The following UNC13C variants were observed in gnomAD, a reference collection of about 807,000 sequenced individuals.
UNC13C encodes the protein protein unc-13 homolog C.
A neutral mutation model predicts 245.4 loss-of-function variants in UNC13C; 174 were observed. The observed-to-expected ratio is 0.71, with a 90% CI of 0.63 to 0.80. The LOEUF (loss-of-function observed/expected upper bound fraction) is 0.80, where lower values mean the gene tolerates loss of function less well. Among genes scored for constraint, UNC13C ranks in the 30% least tolerant of loss-of-function variants. UNC13C has a pLI of 0.00. For synonymous variants in UNC13C, 992 were observed against 895.1 expected, an observed-to-expected ratio of 1.11 and a Z score of -1.93; for missense variants, 2,829 against 2,602.9, an observed-to-expected ratio of 1.09 and a Z score of -1.89.
chr15:54,468,560 C>G (rs1288373921), intron 19 of UNC13C, among the ~76,000 whole-genome samples: 2 of 151,628 alleles, frequency 1.3e-5, no homozygotes, highest in Non-Finnish European at 3.0e-5. Flanking sequence ...GTGTTTCCTT[C>G]TAGAAGTTTT....
In UNC13C at chr15:54,424,373, G is replaced by A. The variant is rs1289573962; in HGVS notation, c.4933+9306G>A. Among the ~76,000 whole-genome samples, 4 of 151,956 alleles carry A rather than the reference G, an allele frequency of 2.6e-5. No homozygotes were observed. The East Asian group carries it at 7.8e-4, about 30-fold the overall frequency. ...AGCTTTCTAGAAACTTTCTCCTGAT[G>A]AGAAGCTTAGGAAACCATGGTTTTT... On this transcript the variant is annotated intron_variant, in intron 19 of 32. Coordinates refer to ENST00000260323, the MANE Select transcript of UNC13C (RefSeq NM_001080534.3).
chr15:54,198,740 C>T (rs995531304), intron 4 of UNC13C, among the ~76,000 whole-genome samples: 1 of 152,100 alleles, frequency 6.6e-6, no homozygotes, highest in African/African-American at 2.4e-5. Context: ...TTCCCTCTGA[C>T]ATAGTCCACC....
At chr15:54,432,255 C>T (rs1182802402) in intron 19 of UNC13C, among the ~76,000 whole-genome samples, 2 of 151,398 alleles carry the variant, frequency 1.3e-5, no homozygotes, top group Admixed American at 6.6e-5. Flanking sequence ...TAAGTAAGAG[C>T]GACTGTGATA....
chr15:54,237,577 A>G lies in UNC13C; in HGVS notation c.3157-42A>G, dbSNP rs2035735665. 2.7e-6 allele frequency: 4 copies of G among 1,493,680 alleles called. No homozygotes were observed. The African/African-American group carries it at 5.5e-5, about 21-fold the overall frequency. The allele number at this position is 1,493,680 out of a possible 1,614,324, so 92.5% of individuals were successfully genotyped here. A position where few individuals can be genotyped will look rare whatever the true frequency, so the allele number is the denominator to read the frequency against. On this transcript the variant is annotated intron_variant, in intron 6 of 32. Transcript: ENST00000260323. ...TCTGCTGAGCAGTATATGCACGTCA[A>G]CCTCCCTATGTATTAATAAGTCATA...
chr15:54,136,802 A>G (rs1567041498), intron 2 of UNC13C, among the ~76,000 whole-genome samples: 2 of 151,816 alleles, frequency 1.3e-5, no homozygotes, highest in Non-Finnish European at 2.9e-5. Context: ...TATTCAGATC[A>G]TTATATAATT....
At chr15:54,067,689 C>T (rs1295594950) in intron 2 of UNC13C, among the ~76,000 whole-genome samples, 1 of 152,184 alleles carries the variant, frequency 6.6e-6, no homozygotes, top group Non-Finnish European at 1.5e-5. Context: ...TTGTATCTCT[C>T]TGAAGATGCT....
chr15:54,247,637 A>G (rs116853167), intron 7 of UNC13C, among the ~76,000 whole-genome samples: 1,963 of 152,260 alleles, frequency 0.013, 28 homozygotes, highest in Non-Finnish European at 0.018. Flanking sequence ...TAAAGGGGAT[A>G]TATACCCTCT....
intron 32 of UNC13C, among the ~76,000 whole-genome samples, chr15:54,625,999 C>T (rs1327948708): frequency 6.6e-6 from 1 of 151,990 alleles, no homozygotes; most frequent in Non-Finnish European, 1.5e-5. Flanking sequence ...ACCAGTGTTT[C>T]CTGGAAATCA....
intron 2 of UNC13C, among the ~76,000 whole-genome samples, chr15:54,023,329 C>A (rs1260439249): frequency 6.6e-6 from 1 of 152,172 alleles, no homozygotes; most frequent in Non-Finnish European, 1.5e-5. Flanking sequence ...CCAGTCTTGT[C>A]ATGAAAGATT....
intron 17 of UNC13C, among the ~76,000 whole-genome samples, chr15:54,389,867 TACAGG>T (rs1317177360): frequency 2.6e-5 from 4 of 152,172 alleles, no homozygotes; most frequent in African/African-American, 9.7e-5. Flanking sequence ...TAGCCGGGAC[TACAGG>T]CATGTGCCAC....
At chr15:54,576,188 G>A (rs1897949204) in intron 30 of UNC13C, among the ~76,000 whole-genome samples, 1 of 152,170 alleles carries the variant, frequency 6.6e-6, no homozygotes, top group Non-Finnish European at 1.5e-5. Flanking sequence ...GATGTGTAAA[G>A]ATTTTACTCA....
intron 18 of UNC13C, 97 bp from the exon 19 acceptor site, chr15:54,414,885 A>G: frequency 1.5e-6 from 1 of 654,996 alleles, no homozygotes; most frequent in Non-Finnish European, 2.6e-6. Flanking sequence ...TTTATGAACT[A>G]TGTAATAACT....
chr15:54,471,655 AT>A (rs1892467898), intron 19 of UNC13C, among the ~76,000 whole-genome samples: 1 of 151,304 alleles, frequency 6.6e-6, no homozygotes, highest in South Asian at 2.1e-4. Flanking sequence ...CTTAAGACTT[AT>A]TTTGTGGCCT....
the UNC13C span, among the ~76,000 whole-genome samples, chr15:53,969,789 G>A: frequency 2.0e-5 from 3 of 151,124 alleles, no homozygotes; most frequent in African/African-American, 7.3e-5. Flanking sequence ...TAAGTATATT[G>A]ACATTGTTGT....
At chr15:54,221,848 A>C (rs1265420681) in intron 4 of UNC13C, among the ~76,000 whole-genome samples, 1 of 152,102 alleles carries the variant, frequency 6.6e-6, no homozygotes. Context: ...TAGCTAAATA[A>C]CTATCAACTG....
chr15:54,358,086 C>T (rs938907774), intron 17 of UNC13C, among the ~76,000 whole-genome samples: 8 of 151,930 alleles, frequency 5.3e-5, no homozygotes, highest in Non-Finnish European at 1.0e-4. Flanking sequence ...ATCTTTTCCC[C>T]GGTGTATATT....
chr15:54,345,192 G>A (rs1160480968), intron 17 of UNC13C, among the ~76,000 whole-genome samples: 2 of 152,176 alleles, frequency 1.3e-5, no homozygotes, highest in Non-Finnish European at 2.9e-5. Flanking sequence ...TGCTTTTTAT[G>A]ACAGAGACAG....
In UNC13C at chr15:54,572,780, C is replaced by T. The variant is rs191212793; in HGVS notation, c.6106+4833C>T. ...TGGGGGAAATTACTGTTTCAAACTG[C>T]ATTGAATCATTATTTAAGTGTTATT... On this transcript the variant is annotated intron_variant, in intron 30 of 32. Coordinates refer to ENST00000260323, the MANE Select transcript of UNC13C (RefSeq NM_001080534.3). 3.9e-5 allele frequency among the ~76,000 whole-genome samples: 6 copies of T among 152,172 alleles called. No homozygotes were observed. The East Asian group carries it at 1.2e-3, about 29-fold the overall frequency.
At position 54,013,277 on chromosome 15, in the gene UNC13C, G is replaced by A. The variant is rs1895468970; in HGVS notation, c.374G>A (p.Ser125Asn). The change falls in exon 2 of 33, where the codon AGT (serine) becomes AAT (asparagine). Residue 125 changes from serine (S) to asparagine (N), a missense_variant. Coordinates refer to ENST00000260323, the MANE Select transcript of UNC13C (RefSeq NM_001080534.3). ...DLLQELSSIE[S>N]SYSESLNELR... is the part of the protein sequence containing the mutation. Reference sequence around the variant, plus strand: ...CTTCAAGAGCTCTCTTCAATCGAGAGTTCCTACTCAGAATCATTAAATGAA... The same window carrying A: ...CTTCAAGAGCTCTCTTCAATCGAGAATTCCTACTCAGAATCATTAAATGAA... The A allele has an allele frequency of 1.9e-6, 3 of 1,613,620 alleles. No individual in the cohort carries two copies. The highest frequency in any genetic ancestry group is 2.5e-6 in the Non-Finnish European group (3 of 1,179,834).
Sources: allele counts gnomAD v4.1 joint callset (sites outside exome capture counted in the v4.1 genomes callset), GRCh38; gene constraint gnomAD v4.1.1; transcripts MANE v1.5; gene names NCBI Gene and HGNC (gene_info 2026-07-23, HGNC 2026-07-21).